STARD13: variants seen among roughly 807,000 people sequenced by gnomAD.
STARD13 encodes the protein StAR related lipid transfer domain containing 13.
In STARD13, 62 loss-of-function variants were observed where a neutral mutation model predicts 106.4. The ratio of observed to expected loss-of-function variants is 0.58; its 90% CI spans 0.48 to 0.72. The LOEUF (loss-of-function observed/expected upper bound fraction) is 0.72. Among genes scored for constraint, STARD13 ranks in the 30% least tolerant of loss-of-function variants. The pLI is 0.00. For missense variants in STARD13, 1,387 were observed against 1,424.0 expected, an observed-to-expected ratio of 0.97 and a Z score of 0.42; for synonymous variants, 565 against 553.0, an observed-to-expected ratio of 1.02 and a Z score of -0.31.
chr13:33,237,204 C>G (rs1184625303), intron 1 of STARD13, among the ~76,000 whole-genome samples: 2 of 152,244 alleles, frequency 1.3e-5, no homozygotes, highest in African/African-American at 4.8e-5. Flanking sequence ...CTCTTGTCCT[C>G]TTTCAAAGTC....
the STARD13 span, among the ~76,000 whole-genome samples, chr13:33,508,410 G>A: frequency 6.6e-6 from 1 of 152,208 alleles, no homozygotes; most frequent in South Asian, 2.1e-4. Flanking sequence ...GTAGGGACAA[G>A]TGGAAAAAAA....
chr13:33,415,431 A>G, the STARD13 span, among the ~76,000 whole-genome samples: 1 of 152,352 alleles, frequency 6.6e-6, no homozygotes, highest in Admixed American at 6.5e-5. Context: ...TGGCAGTAGG[A>G]GTAAGAGGGA....
the STARD13 span, among the ~76,000 whole-genome samples, chr13:33,528,226 G>GTA: frequency 0.036 from 3,593 of 99,164 alleles, 100 homozygotes; most frequent in East Asian, 0.055. Context: ...GTGTGTGTGT[G>GTA]TATATATATA....
rs1486811231 is a variant in STARD13 at position 33,350,217 on chromosome 13, G to A, written c.124+73C>T. 5.5e-6 allele frequency: 8 copies of A among 1,445,182 alleles called. No individual in the cohort carries two copies. In the South Asian group the frequency reaches 1.0e-4, roughly 18 times the overall value. The allele number at this position is 1,445,182 out of a possible 1,614,324, so 89.5% of individuals were successfully genotyped here. A position where few individuals can be genotyped will look rare whatever the true frequency, so the allele number is the denominator to read the frequency against. On this transcript the variant is annotated intron_variant, in intron 1 of 1. Transcript: ENST00000439831. ...CCTGGAGCCCAGAGCAGAGGAGGGC[G>A]GCGGGCCCGGGCGGGCTACGGGGCC...
chr13:33,627,377 G>T, the STARD13 span, among the ~76,000 whole-genome samples: 13,072 of 152,080 alleles, frequency 0.086, 1,273 homozygotes, highest in African/African-American at 0.24. Context: ...GGTGGCTCAC[G>T]TCTGTAATCC....
At chr13:33,251,357 C>A (rs1890087624) in intron 1 of STARD13, among the ~76,000 whole-genome samples, 1 of 152,176 alleles carries the variant, frequency 6.6e-6, no homozygotes, top group African/African-American at 2.4e-5. Flanking sequence ...GGGCCTTATG[C>A]TCGCTGCATT....
At chr13:33,235,515 A>G (rs1471008598) in intron 1 of STARD13, among the ~76,000 whole-genome samples, 3 of 152,236 alleles carry the variant, frequency 2.0e-5, no homozygotes, top group Non-Finnish European at 4.4e-5. Flanking sequence ...TGTTTTTAAA[A>G]ATAGCTGCTA....
Position 33,129,389 on chromosome 13 carries a change from T to A in STARD13, c.1288A>T (p.Ser430Cys), listed in dbSNP as rs143223366. The change falls in exon 5 of 14, where the codon AGC becomes TGC. Residue 430 changes from serine (S) to cysteine (C), a missense_variant. Coordinates refer to ENST00000336934, the MANE Select transcript of STARD13 (RefSeq NM_178006.4). ...ACCTGCTCTCTGCCCAGGGAGATGCTACCGGTCCTCCAATTAACCCCATTG... is the reference window on the plus strand; with the variant it reads ...ACCTGCTCTCTGCCCAGGGAGATGCAACCGGTCCTCCAATTAACCCCATTG... Reference protein sequence around the residue: ...SSNGVNWRTGSISLGREQVPG... With the variant: ...SSNGVNWRTGCISLGREQVPG... 3.7e-6 allele frequency: 6 copies of A among 1,614,076 alleles called. No homozygotes were observed. Among genetic ancestry groups the A allele is most frequent in the Non-Finnish European group, 5.1e-6 (6 of 1,180,048 alleles).
At chr13:33,499,506 TTCTTC>T in the STARD13 span, among the ~76,000 whole-genome samples, 1 of 49,354 alleles carries the variant, frequency 2.0e-5, no homozygotes, top group Non-Finnish European at 3.4e-5. Context: ...CTTCTTCTTC[TTCTTC>T]TTCTTTCTTT....
the STARD13 span, among the ~76,000 whole-genome samples, chr13:33,432,842 C>T: frequency 6.6e-6 from 1 of 152,174 alleles, no homozygotes; most frequent in East Asian, 1.9e-4. Flanking sequence ...ATTAACTAAT[C>T]TCAAAATGAT....
chr13:33,251,252 C>T (rs369835016), intron 1 of STARD13, among the ~76,000 whole-genome samples: 9 of 152,074 alleles, frequency 5.9e-5, no homozygotes, highest in African/African-American at 1.9e-4. Context: ...GTTGACAGGC[C>T]GCCTGGGATT....
chr13:33,403,342 T>G, the STARD13 span, among the ~76,000 whole-genome samples: 15 of 152,374 alleles, frequency 9.8e-5, no homozygotes, highest in African/African-American at 3.4e-4. Flanking sequence ...TGACAGAGTT[T>G]GTTTGTGTTT....
chr13:33,198,657 G>A (rs977867386), intron 1 of STARD13, among the ~76,000 whole-genome samples: 1 of 151,894 alleles, frequency 6.6e-6, no homozygotes, highest in African/African-American at 2.4e-5. Context: ...TTCTCCACAA[G>A]AGCATGAGCC....
chr13:33,124,730 A>G (rs1876894089), intron 7 of STARD13, among the ~76,000 whole-genome samples: 1 of 152,184 alleles, frequency 6.6e-6, no homozygotes, highest in East Asian at 1.9e-4. Flanking sequence ...AAAAATTAAA[A>G]TGTTTGCTTA....
At chr13:33,523,656 G>A in the STARD13 span, among the ~76,000 whole-genome samples, 50 of 152,120 alleles carry the variant, frequency 3.3e-4, 2 homozygotes, top group South Asian at 1.0e-3. Flanking sequence ...GTTGTAAAAC[G>A]TCTATAGAAA....
intron 1 of STARD13, among the ~76,000 whole-genome samples, chr13:33,192,536 G>A (rs562928289): frequency 6.6e-6 from 1 of 152,310 alleles, no homozygotes; most frequent in East Asian, 1.9e-4. Flanking sequence ...GATATCAGGT[G>A]TCAGATGTGA....
At chr13:33,177,477 G>A (rs181597281) in intron 1 of STARD13, among the ~76,000 whole-genome samples, 1 of 152,252 alleles carries the variant, frequency 6.6e-6, no homozygotes, top group African/African-American at 2.4e-5. Flanking sequence ...GGTGATGCTA[G>A]TTACACAATT....
At chr13:33,249,511 C>T (rs1445786164) in intron 1 of STARD13, among the ~76,000 whole-genome samples, 2 of 152,214 alleles carry the variant, frequency 1.3e-5, no homozygotes, top group Non-Finnish European at 1.5e-5. Flanking sequence ...TCCTTAGCCA[C>T]CTACAATGTG....
chr13:33,664,239 C>T, the STARD13 span, among the ~76,000 whole-genome samples: 45 of 152,166 alleles, frequency 3.0e-4, no homozygotes, highest in African/African-American at 1.1e-3. Flanking sequence ...TTTCACTCTT[C>T]CCATTTCCTT....
Sources: gnomAD v4.1 joint callset for allele counts (sites outside exome capture counted in the v4.1 genomes callset) on GRCh38, gnomAD v4.1.1 for gene constraint, MANE v1.5 for transcripts, NCBI Gene and HGNC (gene_info 2026-07-23, HGNC 2026-07-21) for gene names.